AGBL1: variants seen among roughly 807,000 people sequenced by gnomAD.
AGBL1 encodes the protein cytosolic carboxypeptidase 4.
Under a neutral mutation model 118.9 loss-of-function variants are expected in AGBL1, and 130 were observed. That is an observed-to-expected ratio of 1.09 (90% CI 0.95 to 1.26). AGBL1 has a LOEUF of 1.26. AGBL1 is among the 50% of genes most tolerant of loss of function. AGBL1 has a pLI of 0.00. For synonymous variants in AGBL1, 555 were observed against 478.9 expected (o/e 1.16, Z -2.08); for missense variants, 1,584 against 1,298.1 (o/e 1.22, Z -3.38).
At chr15:86,692,729 C>G (rs1241137307) in intron 22 of AGBL1, among the ~76,000 whole-genome samples, 1 of 152,088 alleles carries the variant, frequency 6.6e-6, no homozygotes, top group Non-Finnish European at 1.5e-5. Flanking sequence ...TACACGGAAT[C>G]CAATTTGTAG....
intron 21 of AGBL1, among the ~76,000 whole-genome samples, chr15:86,603,624 T>C (rs1244567309): frequency 1.3e-5 from 2 of 152,176 alleles, no homozygotes; most frequent in African/African-American, 4.8e-5. Flanking sequence ...GACAGAAGTA[T>C]TGAATCGAAT....
At chr15:86,236,247 C>T (rs1382639440) in intron 6 of AGBL1, among the ~76,000 whole-genome samples, 1 of 152,064 alleles carries the variant, frequency 6.6e-6, no homozygotes, top group Non-Finnish European at 1.5e-5. Flanking sequence ...CCCAGGGGCA[C>T]ACAGTATGGC....
intron 18 of AGBL1, among the ~76,000 whole-genome samples, chr15:86,449,295 AT>A (rs1285921555): frequency 6.6e-6 from 1 of 152,186 alleles, no homozygotes; most frequent in Non-Finnish European, 1.5e-5. Context: ...GATCAAAGGC[AT>A]TTTTTCTCTC....
intron 18 of AGBL1, among the ~76,000 whole-genome samples, chr15:86,462,991 C>G (rs1271289670): frequency 6.6e-6 from 1 of 152,142 alleles, no homozygotes. Context: ...ATTTCTAGTT[C>G]TAGATCCTTG....
chr15:86,585,275 G>T (rs2142340000), intron 21 of AGBL1, among the ~76,000 whole-genome samples: 1 of 152,274 alleles, frequency 6.6e-6, no homozygotes, highest in South Asian at 2.1e-4. Context: ...AGGCTGGAGT[G>T]TGATGGAGTC....
At chr15:86,189,154 A>G (rs1280509882) in intron 5 of AGBL1, among the ~76,000 whole-genome samples, 1 of 152,236 alleles carries the variant, frequency 6.6e-6, no homozygotes, top group Non-Finnish European at 1.5e-5. Context: ...TAATTTCACA[A>G]GTTTAGATGA....
At chr15:86,318,417 A>G (rs2080050593) in intron 17 of AGBL1, among the ~76,000 whole-genome samples, 1 of 151,672 alleles carries the variant, frequency 6.6e-6, no homozygotes, top group African/African-American at 2.4e-5. Context: ...AAAAAACTTA[A>G]TTTTGCCTCT....
chr15:86,164,415 G>A (rs2077308764), intron 5 of AGBL1, among the ~76,000 whole-genome samples: 1 of 152,192 alleles, frequency 6.6e-6, no homozygotes, highest in African/African-American at 2.4e-5. Context: ...GAGGCAGACA[G>A]ATTACTTGTC....
chr15:86,652,218 TCTC>T (rs1180948740), intron 21 of AGBL1, among the ~76,000 whole-genome samples: 1 of 152,144 alleles, frequency 6.6e-6, no homozygotes, highest in African/African-American at 2.4e-5. Flanking sequence ...GTACACCAGT[TCTC>T]CTCATGTTCT....
At chr15:86,111,119 G>C (rs551522317) in intron 1 of AGBL1, among the ~76,000 whole-genome samples, 1 of 152,256 alleles carries the variant, frequency 6.6e-6, no homozygotes, top group Admixed American at 6.5e-5. Context: ...CTGGGCTCAG[G>C]CCAATGCCCC....
chr15:86,968,523 A>G (rs2081076365), intron 23 of AGBL1, among the ~76,000 whole-genome samples: 1 of 151,940 alleles, frequency 6.6e-6, no homozygotes, highest in Non-Finnish European at 1.5e-5. Flanking sequence ...AAAGTTTTCT[A>G]TCAAATTAAG....
chr15:86,446,378 G>A (rs2082121414), intron 18 of AGBL1, among the ~76,000 whole-genome samples: 1 of 152,200 alleles, frequency 6.6e-6, no homozygotes, highest in African/African-American at 2.4e-5. Flanking sequence ...AGCCAGAGAA[G>A]CTCAAGGGAG....
chr15:86,274,616 A>G (rs2079216047), intron 15 of AGBL1, among the ~76,000 whole-genome samples: 1 of 152,200 alleles, frequency 6.6e-6, no homozygotes, highest in Non-Finnish European at 1.5e-5. Context: ...GACCTCTCCC[A>G]TGCAACAATC....
chr15:86,463,387 G>T (rs1174370029), intron 18 of AGBL1, among the ~76,000 whole-genome samples: 12 of 151,882 alleles, frequency 7.9e-5, no homozygotes, highest in Non-Finnish European at 1.0e-4. Context: ...CATTCTGTAG[G>T]TTGCCTGTTC....
chr15:86,668,824 G>A lies in AGBL1; in HGVS notation c.2995-5449G>A, dbSNP rs75952315. 3.0e-3 allele frequency among the ~76,000 whole-genome samples: 461 copies of A among 152,250 alleles called. 2 individuals are homozygous for A. Among genetic ancestry groups the A allele is most frequent in the Non-Finnish European group, 4.3e-3 (295 of 68,026 alleles). On this transcript the variant is annotated intron_variant, in intron 21 of 22. Transcript: ENST00000614907. ...ATTAGTAAGACCGCAATCTGCAAAG[G>A]GACAATGTGGGCATATTTGACTTTC... is the stretch of plus-strand genomic sequence containing the variant.
chr15:86,391,400 G>C (rs189726241), intron 17 of AGBL1, among the ~76,000 whole-genome samples: 1 of 151,674 alleles, frequency 6.6e-6, no homozygotes, highest in East Asian at 1.9e-4. Flanking sequence ...TTTTTTCTCA[G>C]AATCTTTCCA....
At chr15:86,421,773 G>C (rs1036549051) in intron 18 of AGBL1, among the ~76,000 whole-genome samples, 24 of 151,682 alleles carry the variant, frequency 1.6e-4, no homozygotes, top group Admixed American at 1.5e-3. Flanking sequence ...CAAGCAAATA[G>C]AAAGGAAAAA....
At chr15:86,708,251 C>G (rs1002799267) in intron 22 of AGBL1, among the ~76,000 whole-genome samples, 6 of 151,962 alleles carry the variant, frequency 3.9e-5, no homozygotes, top group African/African-American at 1.4e-4. Context: ...AGGGAAGTAA[C>G]TGAGATTAAA....
rs60836975 is a variant in AGBL1 at position 86,393,480 on chromosome 15, GA to G, written c.2375-3884del. ...CAAAAATCACAAAGAGAGTGATGTGGAATTATAGAACCGAAAATAGGATACT... is the reference window on the plus strand; with the variant it reads ...CAAAAATCACAAAGAGAGTGATGTGGATTATAGAACCGAAAATAGGATACT... On this transcript the variant is annotated intron_variant, in intron 17 of 22. Coordinates refer to ENST00000614907, the MANE Select transcript of AGBL1 (RefSeq NM_001386094.1). Among the ~76,000 whole-genome samples the G allele has an allele frequency of 8.3e-3, 1,269 of 152,266 alleles. 17 individuals carry two copies. The highest frequency in any genetic ancestry group is 0.027 in the African/African-American group (1,140 of 41,572).
Sources: allele counts gnomAD v4.1 joint callset (sites outside exome capture counted in the v4.1 genomes callset), GRCh38; gene constraint gnomAD v4.1.1; transcripts MANE v1.5; gene names NCBI Gene and HGNC (gene_info 2026-07-23, HGNC 2026-07-21).